Variants in GRIA4 observed in about 807,000 individuals in gnomAD.
The protein encoded by GRIA4 is glutamate ionotropic receptor AMPA type subunit 4.
Under a neutral mutation model 104.0 loss-of-function variants are expected in GRIA4, and 34 were observed. That is an observed-to-expected ratio of 0.33 (90% confidence interval 0.25 to 0.44). The LOEUF is 0.44. GRIA4 is among the 20% of genes least tolerant of loss of function. GRIA4 has a pLI of 1.00. For synonymous variants in GRIA4, 386 were observed against 381.9 expected, an observed-to-expected ratio of 1.01 and a Z score of -0.13; for missense variants, 750 against 1,096.5, an observed-to-expected ratio of 0.68 and a Z score of 4.46.
intron 4 of GRIA4, among the ~76,000 whole-genome samples, chr11:105,755,285 A>T (rs1253242243): frequency 1.3e-5 from 2 of 152,190 alleles, no homozygotes; most frequent in Non-Finnish European, 2.9e-5. Flanking sequence ...CAGAAAAAGG[A>T]ACAAATGAAG....
chr11:105,924,274 T>C (rs1947647338), intron 11 of GRIA4, 125 bp from the exon 12 acceptor site: 2 of 637,992 alleles, frequency 3.1e-6, no homozygotes, highest in South Asian at 5.6e-5. Context: ...TTATACATTG[T>C]TGGCACTCCA....
intron 14 of GRIA4, among the ~76,000 whole-genome samples, chr11:105,967,302 A>T (rs998755063): frequency 6.6e-6 from 1 of 152,184 alleles, no homozygotes; most frequent in Non-Finnish European, 1.5e-5. Context: ...AAAAATAAGC[A>T]AGCATAACAG....
chr11:105,763,778 A>G (rs897906103), intron 4 of GRIA4, among the ~76,000 whole-genome samples: 2 of 152,202 alleles, frequency 1.3e-5, no homozygotes, highest in Non-Finnish European at 2.9e-5. Flanking sequence ...TGTGAGAGAC[A>G]TTCCTCTCTG....
Position 105,981,812 on chromosome 11 carries a change from A to G in GRIA4, c.*2073A>G, listed in dbSNP as rs1308524120. The G allele has an allele frequency of 5.2e-5, 8 of 152,618 alleles. No individual in the cohort carries two copies. Among genetic ancestry groups the G allele is most frequent in the African/African-American group, 1.9e-4 (8 of 41,408 alleles). The allele number at this position is 152,618 out of a possible 1,614,324, so 9.5% of individuals were successfully genotyped here. ...CCTGAGTAACTTGTACTCATCCTTC[A>G]ATACTCCAACTGAATTTTACTTACC... On this transcript the variant is annotated 3_prime_UTR_variant, in exon 17 of 17. Coordinates refer to ENST00000282499, the MANE Select transcript of GRIA4 (RefSeq NM_000829.4).
intron 3 of GRIA4, among the ~76,000 whole-genome samples, chr11:105,710,386 T>C (rs1037161381): frequency 2.0e-5 from 3 of 152,102 alleles, no homozygotes; most frequent in African/African-American, 7.2e-5. Flanking sequence ...ATGAGTTCTG[T>C]TCTCACATTA....
intron 3 of GRIA4, among the ~76,000 whole-genome samples, chr11:105,638,256 T>C (rs1951262227): frequency 6.6e-6 from 1 of 152,116 alleles, no homozygotes; most frequent in Non-Finnish European, 1.5e-5. Flanking sequence ...AGGCAGGTCA[T>C]GCTGATAGGA....
intron 3 of GRIA4, among the ~76,000 whole-genome samples, chr11:105,657,634 C>T (rs1432904706): frequency 6.6e-6 from 1 of 151,830 alleles, no homozygotes; most frequent in African/African-American, 2.4e-5. Context: ...GCTTTTTAGT[C>T]TAAAGTATCT....
intron 14 of GRIA4, among the ~76,000 whole-genome samples, chr11:105,951,829 G>A (rs762011445): frequency 7.9e-5 from 12 of 151,980 alleles, no homozygotes; most frequent in South Asian, 2.1e-4. Context: ...ATGGTGGTGT[G>A]CACTTGCAGT....
chr11:105,858,261 T>G (rs949994808), intron 4 of GRIA4, among the ~76,000 whole-genome samples: 1 of 152,184 alleles, frequency 6.6e-6, no homozygotes, highest in Non-Finnish European at 1.5e-5. Flanking sequence ...GCATAATGGA[T>G]AGTTTACCTA....
chr11:105,616,601 T>A (rs1950607533), intron 3 of GRIA4, among the ~76,000 whole-genome samples: 1 of 151,650 alleles, frequency 6.6e-6, no homozygotes, highest in African/African-American at 2.4e-5. Context: ...TTTTGCACGT[T>A]TTCTTTTCCA....
intron 14 of GRIA4, among the ~76,000 whole-genome samples, chr11:105,965,268 T>C (rs1334934030): frequency 7.0e-6 from 1 of 142,810 alleles, no homozygotes; most frequent in African/African-American, 2.6e-5. Context: ...AACCGTCAAA[T>C]TGGATATGTA....
chr11:105,784,954 C>T lies in GRIA4; in HGVS notation c.487+31734C>T, dbSNP rs528701430. On this transcript the variant is annotated intron_variant, in intron 4 of 16. Coordinates refer to ENST00000282499, the MANE Select transcript of GRIA4 (RefSeq NM_000829.4). ...GGAATCTGCAGTCTTAGGCATCCTA[C>T]GTGATTCCAAATACCAGGGTTTGGG... is the stretch of plus-strand genomic sequence containing the variant. Among the ~76,000 whole-genome samples, 18 of 152,250 alleles carry T rather than the reference C, an allele frequency of 1.2e-4. No homozygotes were observed. The East Asian group carries it at 2.9e-3, about 24-fold the overall frequency.
intron 4 of GRIA4, among the ~76,000 whole-genome samples, chr11:105,782,841 C>T (rs1941787480): frequency 6.6e-6 from 1 of 152,158 alleles, no homozygotes; most frequent in South Asian, 2.1e-4. Context: ...CTCAAATAGA[C>T]CTGGCTCAGG....
intron 3 of GRIA4, among the ~76,000 whole-genome samples, chr11:105,726,420 T>A (rs966082254): frequency 6.6e-6 from 1 of 152,082 alleles, no homozygotes. Flanking sequence ...AACTCTCATC[T>A]CCTTCGCACA....
intron 3 of GRIA4, among the ~76,000 whole-genome samples, chr11:105,665,186 A>G (rs1044636026): frequency 1.3e-5 from 2 of 152,028 alleles, no homozygotes; most frequent in Non-Finnish European, 2.9e-5. Context: ...GCATTCAAAT[A>G]CAAAATTCAT....
chr11:105,835,331 C>A (rs531023921), intron 4 of GRIA4, among the ~76,000 whole-genome samples: 1 of 152,044 alleles, frequency 6.6e-6, no homozygotes, highest in African/African-American at 2.4e-5. Context: ...TTTACTAATA[C>A]ATTTATATGA....
chr11:105,733,003 T>C (rs1371132996), intron 3 of GRIA4, among the ~76,000 whole-genome samples: 1 of 152,238 alleles, frequency 6.6e-6, no homozygotes, highest in Non-Finnish European at 1.5e-5. Flanking sequence ...TATACCACAC[T>C]TAAACAGCCT....
intron 13 of GRIA4, among the ~76,000 whole-genome samples, chr11:105,928,032 T>G (rs1947765245): frequency 6.6e-6 from 1 of 152,020 alleles, no homozygotes; most frequent in Non-Finnish European, 1.5e-5. Context: ...ATGTATTTAT[T>G]TATAATCTTC....
At chr11:105,976,130 A>G (rs994139472) in intron 16 of GRIA4, among the ~76,000 whole-genome samples, 3 of 152,058 alleles carry the variant, frequency 2.0e-5, no homozygotes, top group Non-Finnish European at 2.9e-5. Context: ...TTCAGAGCCA[A>G]TTATTTGGAC....
Sources: gnomAD v4.1 joint callset for allele counts (sites outside exome capture counted in the v4.1 genomes callset) on GRCh38, gnomAD v4.1.1 for gene constraint, MANE v1.5 for transcripts, NCBI Gene and HGNC (gene_info 2026-07-23, HGNC 2026-07-21) for gene names.